The following ATAD5 variants were observed in gnomAD, a reference collection of about 807,000 sequenced individuals.
ATAD5 encodes the protein ATPase family AAA domain-containing protein 5.
In ATAD5, 58 loss-of-function variants were observed where a neutral mutation model predicts 176.9. That is an observed-to-expected ratio of 0.33 (90% confidence interval 0.27 to 0.41). ATAD5 has a LOEUF of 0.41. Ranked by LOEUF, ATAD5 falls within the 10% of genes least tolerant of loss-of-function variation. The pLI, the probability that ATAD5 is intolerant of heterozygous loss-of-function variation, is 1.00. For synonymous variants in ATAD5, 640 were observed against 712.6 expected, an observed-to-expected ratio of 0.90 and a Z score of 1.62; for missense variants, 1,789 against 2,094.1, an observed-to-expected ratio of 0.85 and a Z score of 2.84.
intron 2 of ATAD5, among the ~76,000 whole-genome samples, 169 bp from the exon 3 acceptor site, chr17:30,837,037 G>A (rs191390654): frequency 2.2e-4 from 34 of 152,132 alleles, no homozygotes; most frequent in Admixed American, 1.0e-3. Context: ...TGTTGCCCAG[G>A]CTGGTCTTGA....
At chr17:30,870,363 C>G (rs1908266294) in intron 14 of ATAD5, among the ~76,000 whole-genome samples, 1 of 152,098 alleles carries the variant, frequency 6.6e-6, no homozygotes, top group African/African-American at 2.4e-5. Flanking sequence ...GATTTGTCTG[C>G]TGATTATATC....
chr17:30,852,245 G>A (rs1274612434), intron 6 of ATAD5, among the ~76,000 whole-genome samples: 1 of 151,940 alleles, frequency 6.6e-6, no homozygotes, highest in African/African-American at 2.4e-5. Flanking sequence ...TTTTTAATTT[G>A]GCCAGTGTGA....
intron 12 of ATAD5, among the ~76,000 whole-genome samples, chr17:30,868,903 C>A (rs898578708): frequency 1.5e-5 from 2 of 133,098 alleles, no homozygotes; most frequent in African/African-American, 5.8e-5. Context: ...ATGGTGTGAT[C>A]TCGGCTAACT....
chr17:30,867,365 A>G (rs547601718), intron 11 of ATAD5, among the ~76,000 whole-genome samples: 40 of 152,042 alleles, frequency 2.6e-4, no homozygotes, highest in Non-Finnish European at 3.2e-4. Context: ...GCACCCCTAC[A>G]CTCCAGTGAC....
At position 30,895,663 on chromosome 17, in the gene ATAD5, C is replaced by A. The variant is rs920884103; in HGVS notation, c.*750C>A. 33 of 152,352 alleles carry A rather than the reference C, an allele frequency of 2.2e-4. No individual in the cohort carries two copies. The highest frequency in any genetic ancestry group is 7.7e-4 in the African/African-American group (32 of 41,448). The allele number at this position is 152,352 out of a possible 1,614,324, so 9.4% of individuals were successfully genotyped here. A position where few individuals can be genotyped will look rare whatever the true frequency, so the allele number is the denominator to read the frequency against. On this transcript the variant is annotated 3_prime_UTR_variant, in exon 23 of 23. Transcript: ENST00000321990. ...TCAAGTGATCCATCTGCCTCGGCCT[C>A]CCAAAGTGCTGGGATCACAGGCGTG... is the stretch of plus-strand genomic sequence containing the variant.
chr17:30,893,745 A>G lies in ATAD5; in HGVS notation c.4892A>G (p.Lys1631Arg), dbSNP rs1909760013. Reference sequence around the variant, plus strand: ...AAGAAATCTATTCCTTGTCCTCCTAAAACAACTGCAGGAAAAAAATGTTCT... The same window carrying G: ...AAGAAATCTATTCCTTGTCCTCCTAGAACAACTGCAGGAAAAAAATGTTCT... The part of the protein sequence containing the change: ...ETKKSIPCPP[K>R]TTAGKKCSAL... Residue 1631 changes from lysine to arginine, a missense_variant, in exon 21 of 23, where the codon AAA becomes AGA. This residue lies in a region of ATAD5 where 403 missense variants were observed against 495.1 expected (regional missense o/e 0.81). Coordinates refer to ENST00000321990, the MANE Select transcript of ATAD5 (RefSeq NM_024857.5). 1.2e-6 allele frequency: 2 copies of G among 1,613,978 alleles called. No individual in the cohort carries two copies. The highest frequency in any genetic ancestry group is 1.3e-5 in the African/African-American group (1 of 74,934).
At chr17:30,842,226 A>G (rs545839823) in intron 4 of ATAD5, among the ~76,000 whole-genome samples, 4 of 152,204 alleles carry the variant, frequency 2.6e-5, no homozygotes, top group South Asian at 4.1e-4. Flanking sequence ...CTGAGACCAC[A>G]CCATTGCCTT....
At chr17:30,865,890 C>A in intron 11 of ATAD5, 90 bp downstream of exon 11, 1 of 716,612 alleles carries the variant, frequency 1.4e-6, no homozygotes, top group Non-Finnish European at 2.1e-6. Flanking sequence ...AGTAATATAT[C>A]TCATGATAAA....
Position 30,843,999 on chromosome 17 carries a change from G to A in ATAD5, c.2328G>A (p.Val776=). 6.4e-7 allele frequency: 1 copy of A among 1,561,118 alleles called. No individual in the cohort carries two copies. The highest frequency in any genetic ancestry group is 8.6e-7 in the Non-Finnish European group (1 of 1,156,876). The change falls in exon 5 of 23, where the codon GTG becomes GTA. Residue 776 remains valine, a synonymous_variant. Coordinates refer to ENST00000321990, the MANE Select transcript of ATAD5 (RefSeq NM_024857.5). ...AGAAACTTCAGTGTTTGAATGATGTGCTAGGAAAAAAACTTAACACATCCA... is the reference window on the plus strand; with the variant it reads ...AGAAACTTCAGTGTTTGAATGATGTACTAGGAAAAAAACTTAACACATCCA... The part of the protein sequence containing the change: ...NQKKLQCLND[V]LGKKLNTSTK...
chr17:30,879,764 A>G (rs940688144), intron 18 of ATAD5, among the ~76,000 whole-genome samples: 2 of 151,806 alleles, frequency 1.3e-5, no homozygotes, highest in East Asian at 1.9e-4. Context: ...GAGTTTCACC[A>G]TTTTAGCCAG....
At chr17:30,877,090 T>C (rs1330002323) in intron 15 of ATAD5, among the ~76,000 whole-genome samples, 2 of 151,936 alleles carry the variant, frequency 1.3e-5, no homozygotes, top group African/African-American at 4.8e-5. Flanking sequence ...CAATCTTGGC[T>C]CACTGCAACC....
intron 1 of ATAD5, among the ~76,000 whole-genome samples, chr17:30,833,124 T>C (rs376610801): frequency 1.3e-5 from 2 of 152,362 alleles, no homozygotes; most frequent in East Asian, 1.9e-4. Context: ...TGTATGTTCA[T>C]TTAACTGCGA....
intron 5 of ATAD5, among the ~76,000 whole-genome samples, chr17:30,844,393 A>C (rs775273904): frequency 6.6e-6 from 1 of 152,034 alleles, no homozygotes; most frequent in Non-Finnish European, 1.5e-5. Flanking sequence ...GGCTTCCCAA[A>C]GTGCTGGGAT....
chr17:30,880,190 C>A (rs750151408), intron 18 of ATAD5, among the ~76,000 whole-genome samples: 20 of 151,296 alleles, frequency 1.3e-4, no homozygotes, highest in Non-Finnish European at 2.7e-4. Context: ...TGTAGTCCTA[C>A]CTACTCAGGA....
rs564858516 is a variant in ATAD5 at position 30,893,907 on chromosome 17, C to A, written c.5054C>A (p.Thr1685Lys). 6.2e-7 allele frequency: 1 copy of A among 1,614,036 alleles called. No individual in the cohort carries two copies. The highest frequency in any genetic ancestry group is 1.3e-5 in the African/African-American group (1 of 75,044). ...NDFSWTNGKV[T>K]SGLCDEFSLE... ...TTTAGTTGGACAAATGGAAAGGTTA[C>A]AAGTGGACTTTGTGATGAGTTTAGT... The change falls in exon 21 of 23, where the codon ACA becomes AAA. Residue 1685 changes from threonine (T) to lysine (K), a missense_variant. Transcript: ENST00000321990.
chr17:30,832,050 G>A lies in ATAD5; in HGVS notation c.-298G>A, dbSNP rs561026361. ...GATCTGCGGTCCGCTTGCTTTCCCT[G>A]CCCGGTCCCGAGCGCTCAGCCTGAA... is the stretch of plus-strand genomic sequence containing the variant. On this transcript the variant is annotated 5_prime_UTR_variant, in exon 1 of 23. Transcript: ENST00000321990. 51 of 377,652 alleles carry A rather than the reference G, an allele frequency of 1.4e-4. No homozygotes were observed. In the Admixed American group the frequency reaches 1.4e-3, roughly 10 times the overall value. 23.4% of individuals were successfully genotyped at this position (377,652 alleles called of 1,614,324 possible).
chr17:30,834,442 C>T lies in ATAD5; in HGVS notation c.361C>T (p.His121Tyr). 6.3e-7 allele frequency: 1 copy of T among 1,593,502 alleles called. No individual in the cohort carries two copies. The highest frequency in any genetic ancestry group is 2.2e-5 in the East Asian group (1 of 44,758). The change falls in exon 2 of 23, where the codon CAT becomes TAT. Residue 121 changes from histidine to tyrosine, a missense_variant. His to Tyr is a moderately conservative substitution (Grantham distance 83). Around this residue, in one of 6 missense-constraint regions of ATAD5, gnomAD observed 696 missense variants for 712.5 expected, o/e 0.98. Coordinates refer to ENST00000321990, the MANE Select transcript of ATAD5 (RefSeq NM_024857.5). The part of the protein sequence containing the change: ...KKKRKRVNLS[H>Y]QLNNIKTENE... ...GAAAAGAAAGAGGGTTAATTTATCTCATCAACTAAATAATATTAAAACTGA... is the reference window on the plus strand; with the variant it reads ...GAAAAGAAAGAGGGTTAATTTATCTTATCAACTAAATAATATTAAAACTGA...
intron 4 of ATAD5, among the ~76,000 whole-genome samples, 181 bp downstream of exon 4, chr17:30,840,962 T>C (rs543894209): frequency 6.6e-6 from 1 of 152,332 alleles, no homozygotes; most frequent in African/African-American, 2.4e-5. Context: ...AGAATACAGT[T>C]TGAATCCTTC....
At chr17:30,842,923 A>G (rs572190144) in intron 4 of ATAD5, among the ~76,000 whole-genome samples, 2 of 152,170 alleles carry the variant, frequency 1.3e-5, no homozygotes, top group African/African-American at 4.8e-5. Flanking sequence ...TTGTATTTTT[A>G]GTAGAGACGG....
Sources: gnomAD v4.1 joint callset for allele counts (sites outside exome capture counted in the v4.1 genomes callset) on GRCh38, gnomAD v4.1.1 for gene constraint, gnomAD v4.1.1 regional missense constraint, MANE v1.5 for transcripts, NCBI Gene and HGNC (gene_info 2026-07-23, HGNC 2026-07-21) for gene names.